PPM1H: variants seen among roughly 807,000 people sequenced by gnomAD.
PPM1H encodes protein phosphatase 1H.
A neutral mutation model predicts 54.9 loss-of-function variants in PPM1H; 27 were observed. That is an observed-to-expected ratio of 0.49 (90% CI 0.36 to 0.68). The LOEUF is 0.68. Ranked by LOEUF, PPM1H falls within the 30% of genes least tolerant of loss-of-function variation. The pLI is 0.00. For missense variants in PPM1H, 596 were observed against 667.8 expected (o/e 0.89, Z 1.19); for synonymous variants, 305 against 270.8 (o/e 1.13, Z -1.24).
At chr12:62,805,362 A>G (rs1274792176) in intron 2 of PPM1H, among the ~76,000 whole-genome samples, 1 of 152,244 alleles carries the variant, frequency 6.6e-6, no homozygotes, top group East Asian at 1.9e-4. Flanking sequence ...CTGGTTATAT[A>G]ACAAAAGGAA....
chr12:62,756,009 G>T, intron 4 of PPM1H: 1 of 1,390,152 alleles, frequency 7.2e-7, no homozygotes, highest in East Asian at 2.3e-5. Context: ...TCAAGAAGGT[G>T]GTGAAGCAGG....
At chr12:62,731,351 T>C (rs12315418) in intron 5 of PPM1H, among the ~76,000 whole-genome samples, 28,317 of 152,116 alleles carry the variant, frequency 0.19, 3,800 homozygotes, top group African/African-American at 0.38. Flanking sequence ...CCAGGCTTGC[T>C]GGCTTTAGCC....
At chr12:62,786,666 C>T (rs928919007) in intron 4 of PPM1H, among the ~76,000 whole-genome samples, 3 of 152,248 alleles carry the variant, frequency 2.0e-5, no homozygotes, top group South Asian at 4.1e-4. Context: ...CACTCCTGGC[C>T]GGTTCTCTCT....
At chr12:62,847,808 T>TAG (rs1331608629) in intron 1 of PPM1H, among the ~76,000 whole-genome samples, 1 of 151,740 alleles carries the variant, frequency 6.6e-6, no homozygotes, top group Non-Finnish European at 1.5e-5. Flanking sequence ...TTACCAAGAG[T>TAG]AGACAGTAAG....
At chr12:62,751,980 G>T (rs1428083674) in intron 4 of PPM1H, among the ~76,000 whole-genome samples, 2 of 152,176 alleles carry the variant, frequency 1.3e-5, no homozygotes, top group Admixed American at 6.5e-5. Context: ...CCCGGTGTCA[G>T]TTCCTTACAA....
At chr12:62,908,567 T>C (rs920476558) in intron 1 of PPM1H, among the ~76,000 whole-genome samples, 12 of 152,170 alleles carry the variant, frequency 7.9e-5, no homozygotes, top group African/African-American at 2.9e-4. Context: ...TAACCAAGAA[T>C]GGCACATAAG....
At chr12:62,861,305 C>T (rs982869646) in intron 1 of PPM1H, among the ~76,000 whole-genome samples, 4 of 152,186 alleles carry the variant, frequency 2.6e-5, no homozygotes, top group Admixed American at 6.5e-5. Flanking sequence ...CAGCAAATGC[C>T]GGCTAGCATT....
At chr12:62,875,731 C>G (rs916001897) in intron 1 of PPM1H, among the ~76,000 whole-genome samples, 2 of 152,120 alleles carry the variant, frequency 1.3e-5, no homozygotes, top group Admixed American at 6.5e-5. Flanking sequence ...TAAAAGAGCA[C>G]TGGGCTGGTT....
intron 3 of PPM1H, chr12:62,788,578 A>G: frequency 2.5e-6 from 1 of 402,608 alleles, no homozygotes; most frequent in Non-Finnish European, 4.5e-6. Flanking sequence ...GCAAACAGAA[A>G]CAATCAGACA....
At chr12:62,714,159 C>T (rs73312420) in intron 6 of PPM1H, among the ~76,000 whole-genome samples, 95 of 152,218 alleles carry the variant, frequency 6.2e-4, no homozygotes, top group African/African-American at 2.2e-3. Flanking sequence ...AATTCAGCAG[C>T]CACTAGCCAC....
At chr12:62,758,750 A>T (rs1444474250) in intron 4 of PPM1H, among the ~76,000 whole-genome samples, 4 of 152,344 alleles carry the variant, frequency 2.6e-5, no homozygotes, top group African/African-American at 9.6e-5. Flanking sequence ...TCTTTTCTCC[A>T]TGAAATGCTG....
chr12:62,893,028 G>A (rs1870854405), intron 1 of PPM1H, among the ~76,000 whole-genome samples: 1 of 152,206 alleles, frequency 6.6e-6, no homozygotes, highest in African/African-American at 2.4e-5. Flanking sequence ...AGAAGCTTGG[G>A]CTACAGTCTA....
intron 6 of PPM1H, among the ~76,000 whole-genome samples, chr12:62,695,227 T>C (rs2076107222): frequency 6.6e-6 from 1 of 152,164 alleles, no homozygotes; most frequent in African/African-American, 2.4e-5. Context: ...AAGGTGTCCT[T>C]CCCATGGGGT....
At chr12:62,782,282 G>A (rs1421026374) in intron 4 of PPM1H, among the ~76,000 whole-genome samples, 1 of 152,190 alleles carries the variant, frequency 6.6e-6, no homozygotes, top group Non-Finnish European at 1.5e-5. Context: ...CTTGGAGGCA[G>A]TTACATAATA....
rs1397204616 is a variant in PPM1H, at chr12:62,720,180, A to G, written c.1064T>C (p.Met355Thr). Residue 355 changes from methionine (M) to threonine (T), a missense_variant, in exon 6 of 10, where the codon ATG becomes ACG. Physicochemically the swap from Met to Thr is moderately conservative, Grantham distance 81. Transcript: ENST00000228705. ...GAAGGCATGTTCTTACCAGCCTGTCATATTAAAGTCCCTGTAGAGCATCTT... is the reference window on the plus strand; with the variant it reads ...GAAGGCATGTTCTTACCAGCCTGTCGTATTAAAGTCCCTGTAGAGCATCTT... ...GKKMLYRDFN[M>T]TGWAYKTIED... 4 of 1,601,752 alleles carry G rather than the reference A, an allele frequency of 2.5e-6. No individual in the cohort carries two copies. The African/African-American group carries it at 5.4e-5, about 21-fold the overall frequency.
chr12:62,875,952 T>A (rs1420730954), intron 1 of PPM1H, among the ~76,000 whole-genome samples: 1 of 152,158 alleles, frequency 6.6e-6, no homozygotes, highest in Non-Finnish European at 1.5e-5. Context: ...ATAATGAGCA[T>A]GTCCACAGCA....
At chr12:62,786,178 G>A (rs537192590) in intron 4 of PPM1H, among the ~76,000 whole-genome samples, 1 of 152,360 alleles carries the variant, frequency 6.6e-6, no homozygotes, top group Admixed American at 6.5e-5. Flanking sequence ...CAGACAAAGA[G>A]CAATGAATTG....
intron 9 of PPM1H, chr12:62,658,870 CAAG>C: frequency 1.6e-6 from 1 of 610,254 alleles, no homozygotes; most frequent in South Asian, 1.5e-5. Flanking sequence ...AAAAAAGAAC[CAAG>C]AAGTTCATCC....
chr12:62,730,394 G>A (rs183954568), intron 5 of PPM1H, among the ~76,000 whole-genome samples: 1 of 152,296 alleles, frequency 6.6e-6, no homozygotes, highest in Non-Finnish European at 1.5e-5. Flanking sequence ...ACTTCAGGGA[G>A]ACTGCCAAAC....
Sources: allele counts gnomAD v4.1 joint callset (sites outside exome capture counted in the v4.1 genomes callset), GRCh38; gene constraint gnomAD v4.1.1; transcripts MANE v1.5; gene names NCBI Gene and HGNC (gene_info 2026-07-23, HGNC 2026-07-21).